The following POLR2I variants were observed in gnomAD, a reference collection of about 807,000 sequenced individuals.
POLR2I encodes the protein RNA polymerase II subunit I.
A neutral mutation model predicts 23.0 loss-of-function variants in POLR2I; 15 were observed. The ratio of observed to expected loss-of-function variants is 0.65; its 90% CI spans 0.44 to 1.00. The LOEUF (loss-of-function observed/expected upper bound fraction) is 1.00. Ranked by LOEUF, POLR2I falls within the 50% of genes least tolerant of loss-of-function variation. The pLI, the probability that POLR2I is intolerant of heterozygous loss-of-function variation, is 0.00. For synonymous variants in POLR2I, 72 were observed against 65.4 expected (o/e 1.10, Z -0.49); for missense variants, 120 against 173.7 (o/e 0.69, Z 1.74).
At position 36,114,461 on chromosome 19, in the gene POLR2I, A is replaced by G. The variant is rs754541678; in HGVS notation, c.115-49T>C. Reference sequence around the variant, plus strand: ...AAAGGGGGTCACGGAAGGATTCCAGACAAGATTGGGAGGAGAGGGCAGGGT... The same window carrying G: ...AAAGGGGGTCACGGAAGGATTCCAGGCAAGATTGGGAGGAGAGGGCAGGGT... On this transcript the variant is annotated intron_variant, in intron 2 of 5. Transcript: ENST00000221859. This position sits in a 1 kb window ranked among gnomAD's most constrained non-coding sequence, Gnocchi z 4.5. 4.5e-6 allele frequency: 7 copies of G among 1,568,890 alleles called. No homozygotes were observed. The South Asian group carries it at 7.8e-5, about 17-fold the overall frequency.
In POLR2I at chr19:36,114,270, G is replaced by A. The variant is rs1463260075; in HGVS notation, c.189-19C>T. The A allele has an allele frequency of 6.2e-7, 1 of 1,613,502 alleles. No homozygotes were observed. The highest frequency in any genetic ancestry group is 2.2e-5 in the East Asian group (1 of 44,826). On this transcript the variant is annotated intron_variant, in intron 3 of 5. Transcript: ENST00000221859. This position sits in a 1 kb window ranked among gnomAD's most constrained non-coding sequence, Gnocchi z 4.5. Reference sequence around the variant, plus strand: ...CAGTTCGCTGCAGGGACGCGGGGGTGCAAAATTACGCTCAGACCCAGCCTC... The same window carrying A: ...CAGTTCGCTGCAGGGACGCGGGGGTACAAAATTACGCTCAGACCCAGCCTC...
In POLR2I at chr19:36,114,246, A is replaced by T. The variant is rs1973899469; in HGVS notation, c.194T>A (p.Leu65Gln). The T allele has an allele frequency of 6.2e-7, 1 of 1,613,920 alleles. No individual in the cohort carries two copies. The highest frequency in any genetic ancestry group is 8.5e-7 in the Non-Finnish European group (1 of 1,179,948). The change falls in exon 4 of 6, where the codon CTG becomes CAG. Residue 65 changes from leucine to glutamine, a missense_variant. Transcript: ENST00000221859. The surrounding 1 kb of genome is among the most constrained non-coding windows in gnomAD (Gnocchi z 4.5). ...GGACACGTCGGCGATAATCTGGGTC[A>T]GTTCGCTGCAGGGACGCGGGGGTGC... The part of the protein sequence containing the change: ...VNKITHEVDE[L>Q]TQIIADVSQD...
Position 36,114,868 on chromosome 19 carries a change from G to C in POLR2I, c.-12C>G, listed in dbSNP as rs373082247. ...CCGTCGGGCTCCATGGCGACGCGCA[G>C]CCCGCGCAGCCCTCCCAGCCTTCCG... On this transcript the variant is annotated 5_prime_UTR_variant, in exon 1 of 6. Transcript: ENST00000221859. The surrounding 1 kb of genome is among the most constrained non-coding windows in gnomAD (Gnocchi z 4.5). 3.7e-6 allele frequency: 6 copies of C among 1,612,422 alleles called. No homozygotes were observed. The African/African-American group carries it at 4.0e-5, about 11-fold the overall frequency.
In POLR2I at chr19:36,114,641, G is replaced by A. The variant is rs997451583; in HGVS notation, c.114+18C>T. 1.9e-6 allele frequency: 3 copies of A among 1,599,298 alleles called. No homozygotes were observed. Among genetic ancestry groups the A allele is most frequent in the African/African-American group, 2.7e-5 (2 of 74,672 alleles). On this transcript the variant is annotated intron_variant, in intron 2 of 5. Coordinates refer to ENST00000221859, the MANE Select transcript of POLR2I (RefSeq NM_006233.5). This position sits in a 1 kb window ranked among gnomAD's most constrained non-coding sequence, Gnocchi z 4.5. ...GCTGGGAACAGGTGGACCTGCCGGG[G>A]AAGACCCCGGCGCTCACCGCGTAGA... is the stretch of plus-strand genomic sequence containing the variant.
In POLR2I at chr19:36,114,532, G is replaced by T; in HGVS notation, c.115-120C>A. On this transcript the variant is annotated intron_variant, in intron 2 of 5. Transcript: ENST00000221859. The surrounding 1 kb of genome is among the most constrained non-coding windows in gnomAD (Gnocchi z 4.5). ...CAGGACTCTCTTTGGGGATGGGCAG[G>T]ACATGAGAGTCAGGATCACTTGAGG... The T allele has an allele frequency of 2.3e-6, 3 of 1,290,218 alleles. No homozygotes were observed. Among genetic ancestry groups the T allele is most frequent in the Non-Finnish European group, 3.3e-6 (3 of 895,754 alleles). 79.9% of individuals were successfully genotyped at this position (1,290,218 alleles called of 1,614,324 possible).
rs766182004 is a variant in POLR2I, at chr19:36,114,673, T to C, written c.100A>G (p.Ile34Val). The C allele has an allele frequency of 8.1e-6, 13 of 1,610,024 alleles. No homozygotes were observed. Among genetic ancestry groups the C allele is most frequent in the South Asian group, 1.1e-5 (1 of 90,984 alleles). ...LYPKEDKENR[I>V]LLYACRNCDY... ...CCGGCGCTCACCGCGTAGAGCAGAA[T>C]GCGGTTCTCCTTGTCTTCCTTGGGG... is the stretch of plus-strand genomic sequence containing the variant. Residue 34 changes from isoleucine to valine, a missense_variant, in exon 2 of 6, where the codon ATT (isoleucine) becomes GTT (valine). Coordinates refer to ENST00000221859, the MANE Select transcript of POLR2I (RefSeq NM_006233.5). The surrounding 1 kb of genome is among the most constrained non-coding windows in gnomAD (Gnocchi z 4.5).
At position 36,114,565 on chromosome 19, in the gene POLR2I, G is replaced by C. The variant is rs1973906832; in HGVS notation, c.114+94C>G. Reference sequence around the variant, plus strand: ...AGTCAGGATCACTTGAGGTGCAGCGGAGGGCGAACAGGGAGTCCGATCACA... The same window carrying C: ...AGTCAGGATCACTTGAGGTGCAGCGCAGGGCGAACAGGGAGTCCGATCACA... On this transcript the variant is annotated intron_variant, in intron 2 of 5. Transcript: ENST00000221859. This position sits in a 1 kb window ranked among gnomAD's most constrained non-coding sequence, Gnocchi z 4.5. The C allele has an allele frequency of 9.6e-6, 13 of 1,356,814 alleles. No individual in the cohort carries two copies. In the South Asian group the frequency reaches 9.6e-5, roughly 10 times the overall value. 84.0% of individuals were successfully genotyped at this position (1,356,814 alleles called of 1,614,324 possible).
At position 36,114,832 on chromosome 19, in the gene POLR2I, G is replaced by C; in HGVS notation, c.25C>G (p.Pro9Ala). The change falls in exon 1 of 6, where the codon CCG (proline) becomes GCG (alanine). Residue 9 changes from proline to alanine, a missense_variant. Pro to Ala is a conservative substitution (Grantham distance 27). Transcript: ENST00000221859. This position sits in a 1 kb window ranked among gnomAD's most constrained non-coding sequence, Gnocchi z 4.5. ...CAGAAGCGAATACCCACGAAGCCCG[G>C]CTCGTAAGTCCCGTCGGGCTCCATG... MEPDGTYE[P>A]GFVGIRFCQE... is the part of the protein sequence containing the mutation. 6.2e-7 allele frequency: 1 copy of C among 1,614,056 alleles called. No homozygotes were observed. Among genetic ancestry groups the C allele is most frequent in the Non-Finnish European group, 8.5e-7 (1 of 1,180,014 alleles).
chr19:36,113,812 G>A lies in POLR2I; in HGVS notation c.321C>T (p.Ala107=). Residue 107 remains alanine, a synonymous_variant, in exon 6 of 6, where the codon GCC becomes GCT. Coordinates refer to ENST00000221859, the MANE Select transcript of POLR2I (RefSeq NM_006233.5). The part of the protein sequence containing the change: ...FQSHSARAED[A]MRLYYVCTAP... ...CTGTGCACACGTAGTAAAGGCGCAT[G>A]GCGTCCTGGCAGAAATGATGCATGG... The A allele has an allele frequency of 1.9e-6, 3 of 1,612,664 alleles. No homozygotes were observed. Among genetic ancestry groups the A allele is most frequent in the Non-Finnish European group, 2.5e-6 (3 of 1,179,872 alleles).
In POLR2I at chr19:36,114,792, C is replaced by T. The variant is rs1214157639; in HGVS notation, c.59+6G>A. 6.2e-7 allele frequency: 1 copy of T among 1,614,216 alleles called. No individual in the cohort carries two copies. Among genetic ancestry groups the T allele is most frequent in the Non-Finnish European group, 8.5e-7 (1 of 1,180,034 alleles). The stretch of plus-strand genomic sequence containing the variant: ...CTTCTAACATCACCCGCTCCCTCCG[C>T]CTCACCATTCCTGGCAGAAGCGAAT... On this transcript the variant is annotated splice_donor_region_variant and intron_variant, in intron 1 of 5. Transcript: ENST00000221859. This position sits in a 1 kb window ranked among gnomAD's most constrained non-coding sequence, Gnocchi z 4.5.
Position 36,114,431 on chromosome 19 carries a change from G to T in POLR2I, c.115-19C>A, listed in dbSNP as rs764267370. The T allele has an allele frequency of 1.2e-6, 2 of 1,609,054 alleles. No individual in the cohort carries two copies. Among genetic ancestry groups the T allele is most frequent in the African/African-American group, 1.3e-5 (1 of 74,852 alleles). On this transcript the variant is annotated intron_variant, in intron 2 of 5. Transcript: ENST00000221859. This position sits in a 1 kb window ranked among gnomAD's most constrained non-coding sequence, Gnocchi z 4.5. Reference sequence around the variant, plus strand: ...TCCGGCACTACGAGAGGGCGAGTGTGGGGGAAAGGGGGTCACGGAAGGATT... The same window carrying T: ...TCCGGCACTACGAGAGGGCGAGTGTTGGGGAAAGGGGGTCACGGAAGGATT...
chr19:36,114,848 G>C lies in POLR2I; in HGVS notation c.9C>G (p.Pro3=). Residue 3 remains proline (P), a synonymous_variant, in exon 1 of 6, where the codon CCC becomes CCG. Transcript: ENST00000221859. The surrounding 1 kb of genome is among the most constrained non-coding windows in gnomAD (Gnocchi z 4.5). ...CGAAGCCCGGCTCGTAAGTCCCGTC[G>C]GGCTCCATGGCGACGCGCAGCCCGC... is the stretch of plus-strand genomic sequence containing the variant. ME[P]DGTYEPGFVG... 6.2e-7 allele frequency: 1 copy of C among 1,613,628 alleles called. No homozygotes were observed. The highest frequency in any genetic ancestry group is 8.5e-7 in the Non-Finnish European group (1 of 1,179,976).
In POLR2I at chr19:36,114,779, C is replaced by A; in HGVS notation, c.59+19G>T. 6.2e-7 allele frequency: 1 copy of A among 1,614,148 alleles called. No individual in the cohort carries two copies. On this transcript the variant is annotated intron_variant, in intron 1 of 5. Coordinates refer to ENST00000221859, the MANE Select transcript of POLR2I (RefSeq NM_006233.5). The surrounding 1 kb of genome is among the most constrained non-coding windows in gnomAD (Gnocchi z 4.5). ...ATTCCTCGCCCGCCTTCTAACATCACCCGCTCCCTCCGCCTCACCATTCCT... is the reference window on the plus strand; with the variant it reads ...ATTCCTCGCCCGCCTTCTAACATCAACCGCTCCCTCCGCCTCACCATTCCT...
In POLR2I at chr19:36,114,509, G is replaced by C. The variant is rs1377225068; in HGVS notation, c.115-97C>G. ...GGTGATCCCGGAGGATATGACGACA[G>C]GACTCTCTTTGGGGATGGGCAGGAC... On this transcript the variant is annotated intron_variant, in intron 2 of 5. Transcript: ENST00000221859. The surrounding 1 kb of genome is among the most constrained non-coding windows in gnomAD (Gnocchi z 4.5). 1.5e-6 allele frequency: 2 copies of C among 1,359,554 alleles called. No individual in the cohort carries two copies. Among genetic ancestry groups the C allele is most frequent in the Non-Finnish European group, 2.1e-6 (2 of 955,626 alleles). The allele number at this position is 1,359,554 out of a possible 1,614,324, so 84.2% of individuals were successfully genotyped here. A position where few individuals can be genotyped will look rare whatever the true frequency, so the allele number is the denominator to read the frequency against.
rs1462952499 is a variant in POLR2I, at chr19:36,114,763, C to T, written c.59+35G>A. 3 of 1,613,964 alleles carry T rather than the reference C, an allele frequency of 1.9e-6. No homozygotes were observed. The highest frequency in any genetic ancestry group is 1.1e-5 in the South Asian group (1 of 91,072). The stretch of plus-strand genomic sequence containing the variant: ...GGTTAGTTCTGGAGCCATTCCTCGC[C>T]CGCCTTCTAACATCACCCGCTCCCT... On this transcript the variant is annotated intron_variant, in intron 1 of 5. Transcript: ENST00000221859. This position sits in a 1 kb window ranked among gnomAD's most constrained non-coding sequence, Gnocchi z 4.5.
chr19:36,114,266 G>A lies in POLR2I; in HGVS notation c.189-15C>T. 6.2e-7 allele frequency: 1 copy of A among 1,613,720 alleles called. No homozygotes were observed. The highest frequency in any genetic ancestry group is 8.5e-7 in the Non-Finnish European group (1 of 1,179,888). Reference sequence around the variant, plus strand: ...GGGTCAGTTCGCTGCAGGGACGCGGGGGTGCAAAATTACGCTCAGACCCAG... The same window carrying A: ...GGGTCAGTTCGCTGCAGGGACGCGGAGGTGCAAAATTACGCTCAGACCCAG... On this transcript the variant is annotated splice_polypyrimidine_tract_variant and intron_variant, in intron 3 of 5. Coordinates refer to ENST00000221859, the MANE Select transcript of POLR2I (RefSeq NM_006233.5). The surrounding 1 kb of genome is among the most constrained non-coding windows in gnomAD (Gnocchi z 4.5).
At position 36,114,827 on chromosome 19, in the gene POLR2I, G is replaced by A; in HGVS notation, c.30C>T (p.Gly10=). 1 of 1,614,112 alleles carries A rather than the reference G, an allele frequency of 6.2e-7. No individual in the cohort carries two copies. Among genetic ancestry groups the A allele is most frequent in the Non-Finnish European group, 8.5e-7 (1 of 1,180,022 alleles). Residue 10 remains glycine, a synonymous_variant, in exon 1 of 6, where the codon GGC becomes GGT. Transcript: ENST00000221859. The surrounding 1 kb of genome is among the most constrained non-coding windows in gnomAD (Gnocchi z 4.5). MEPDGTYEP[G]FVGIRFCQEC... ...CCTGGCAGAAGCGAATACCCACGAA[G>A]CCCGGCTCGTAAGTCCCGTCGGGCT...
At position 36,114,408 on chromosome 19, in the gene POLR2I, C is replaced by T. The variant is rs771336554; in HGVS notation, c.119G>A (p.Arg40Gln). 5 of 1,613,760 alleles carry T rather than the reference C, an allele frequency of 3.1e-6. No individual in the cohort carries two copies. The African/African-American group carries it at 6.7e-5, about 22-fold the overall frequency. Residue 40 changes from arginine (R) to glutamine (Q), a missense_variant, in exon 3 of 6, where the codon CGG (arginine) becomes CAG (glutamine). By Grantham distance (43) the Arg-to-Gln change is conservative. Transcript: ENST00000221859. This position sits in a 1 kb window ranked among gnomAD's most constrained non-coding sequence, Gnocchi z 4.5. The stretch of plus-strand genomic sequence containing the variant: ...GGCCTCCTGCTGGTAATCACAGTTC[C>T]GGCACTACGAGAGGGCGAGTGTGGG... Reference protein sequence around the residue: ...KENRILLYACRNCDYQQEADN... With the variant: ...KENRILLYACQNCDYQQEADN...
rs116462592 is a variant in POLR2I at position 36,114,073 on chromosome 19, G to A, written c.264-7C>T. On this transcript the variant is annotated splice_polypyrimidine_tract_variant and splice_region_variant and intron_variant, in intron 4 of 5. Coordinates refer to ENST00000221859, the MANE Select transcript of POLR2I (RefSeq NM_006233.5). This position sits in a 1 kb window ranked among gnomAD's most constrained non-coding sequence, Gnocchi z 4.5. ...AGCCTCCTTGTGGCCGCACCTGAGA[G>A]GGTAGGGGCTCGGTCACCGGAGGCT... 3,084 of 1,614,030 alleles carry A rather than the reference G, an allele frequency of 1.9e-3. 61 individuals are homozygous for A. In the African/African-American group the frequency reaches 0.037, roughly 19 times the overall value.
Sources: allele counts gnomAD v4.1 joint callset, GRCh38; gene constraint gnomAD v4.1.1; non-coding constraint Gnocchi (gnomAD v3.1); transcripts MANE v1.5; gene names NCBI Gene and HGNC (gene_info 2026-07-23, HGNC 2026-07-21).